The following PLXNA2 variants were observed in gnomAD, a reference collection of about 807,000 sequenced individuals.
PLXNA2 encodes the protein plexin-A2.
A neutral mutation model predicts 193.5 loss-of-function variants in PLXNA2; 91 were observed. The ratio of observed to expected loss-of-function variants is 0.47; its 90% CI spans 0.40 to 0.56. The LOEUF is 0.56. PLXNA2 is among the 20% of genes least tolerant of loss of function. The probability of loss-of-function intolerance (pLI) is 0.00; values close to 1 mark genes in which losing one functional copy is unlikely to be tolerated. For missense variants in PLXNA2, 1,995 were observed against 2,503.2 expected, an observed-to-expected ratio of 0.80 and a Z score of 4.33; for synonymous variants, 997 against 1,027.3, an observed-to-expected ratio of 0.97 and a Z score of 0.56.
intron 2 of PLXNA2, among the ~76,000 whole-genome samples, chr1:208,212,094 TC>T (rs1408777204): frequency 6.6e-6 from 1 of 152,046 alleles, no homozygotes; most frequent in East Asian, 1.9e-4. Flanking sequence ...TGTGAAGGCA[TC>T]CCAGAGGAGG....
intron 1 of PLXNA2, among the ~76,000 whole-genome samples, chr1:208,228,881 T>C (rs1671596927): frequency 6.6e-6 from 1 of 152,132 alleles, no homozygotes; most frequent in East Asian, 1.9e-4. Context: ...CAATCTCCTT[T>C]CTCTCCTCCA....
intron 29 of PLXNA2, chr1:208,030,375 C>G (rs1042893885): frequency 2.0e-6 from 2 of 985,598 alleles, no homozygotes; most frequent in Non-Finnish European, 2.4e-6. Context: ...CCTGGACTTT[C>G]TCTTGATTTC....
rs1249862 is a variant in PLXNA2 at position 208,236,698 on chromosome 1, A to C, written c.-81+6945T>G. Among the ~76,000 whole-genome samples the C allele has an allele frequency of 0.032, 4,928 of 152,300 alleles. 280 individuals carry two copies. The highest frequency in any genetic ancestry group is 0.11 in the African/African-American group (4,597 of 41,548). On this transcript the variant is annotated intron_variant, in intron 1 of 31. Transcript: ENST00000367033. The surrounding 1 kb of genome is among the most constrained non-coding windows in gnomAD (Gnocchi z 4.4). ...AGAAGCACTGGGGTTACAGCTCCTC[A>C]TCCAAAGCCCTGTTCCACCACCAGA...
chr1:208,233,959 G>A (rs998750637), intron 1 of PLXNA2, among the ~76,000 whole-genome samples: 1 of 152,158 alleles, frequency 6.6e-6, no homozygotes. Flanking sequence ...GCTAAGGGCC[G>A]GCAGATGGGA....
intron 3 of PLXNA2, among the ~76,000 whole-genome samples, chr1:208,171,479 G>A (rs1669493065): frequency 6.6e-6 from 1 of 152,128 alleles, no homozygotes; most frequent in Non-Finnish European, 1.5e-5. Flanking sequence ...AGGAGTTTAA[G>A]AAACTTGCCT....
chr1:208,132,312 C>A (rs2102468266), intron 4 of PLXNA2, among the ~76,000 whole-genome samples: 1 of 152,224 alleles, frequency 6.6e-6, no homozygotes, highest in East Asian at 1.9e-4. Flanking sequence ...TAACTGGGAG[C>A]CGGGTGTGGG....
At chr1:208,156,154 T>A (rs1668935629) in intron 3 of PLXNA2, among the ~76,000 whole-genome samples, 3 of 152,098 alleles carry the variant, frequency 2.0e-5, no homozygotes, top group Non-Finnish European at 2.9e-5. Flanking sequence ...TATAAACAGA[T>A]CAAAGGGAGA....
In PLXNA2 at chr1:208,079,133, C is replaced by A. The variant is rs191657218; in HGVS notation, c.2586+127G>T. On this transcript the variant is annotated intron_variant, in intron 12 of 31. Transcript: ENST00000367033. ...AGACACACGCGAGAGGTTTCCTACA[C>A]CCCCCCACATTAAACTCACTGTACG... 349 of 756,376 alleles carry A rather than the reference C, an allele frequency of 4.6e-4. 1 individual carries two copies. The African/African-American group carries it at 5.5e-3, about 12-fold the overall frequency. 46.9% of individuals were successfully genotyped at this position (756,376 alleles called of 1,614,324 possible).
At chr1:208,058,248 G>A (rs1571870585) in intron 13 of PLXNA2, among the ~76,000 whole-genome samples, 1 of 152,220 alleles carries the variant, frequency 6.6e-6, no homozygotes, top group Non-Finnish European at 1.5e-5. Flanking sequence ...GGGCTGAGCT[G>A]CAGCCTCAAC....
In PLXNA2 at chr1:208,044,523, A is replaced by G; in HGVS notation, c.3859T>C (p.Leu1287=). The G allele has an allele frequency of 2.5e-6, 4 of 1,613,774 alleles. No homozygotes were observed. Among genetic ancestry groups the G allele is most frequent in the South Asian group, 1.1e-5 (1 of 91,058 alleles). The stretch of plus-strand genomic sequence containing the variant: ...TTCCACTAACCTTCCTTGCACTCCA[A>G]GGCCACACGGGACTCCAGATTGTCC... The part of the protein sequence containing the change: ...QMDNLESRVA[L]ECKEAFAELQ... The change falls in exon 20 of 32, where the codon TTG becomes CTG. Residue 1287 remains leucine (L), a synonymous_variant. Transcript: ENST00000367033. This position sits in a 1 kb window ranked among gnomAD's most constrained non-coding sequence, Gnocchi z 4.9.
chr1:208,205,753 C>T (rs1670698206), intron 3 of PLXNA2, among the ~76,000 whole-genome samples: 1 of 152,154 alleles, frequency 6.6e-6, no homozygotes, highest in South Asian at 2.1e-4. Context: ...GGTCAGCTCT[C>T]ACCATCACGG....
chr1:208,120,711 G>T (rs1381473760), intron 4 of PLXNA2, among the ~76,000 whole-genome samples: 1 of 152,186 alleles, frequency 6.6e-6, no homozygotes, highest in African/African-American at 2.4e-5. Flanking sequence ...AGGGAAGTAG[G>T]GAGTTGAAAT....
At chr1:208,239,575 C>T (rs1387458328) in intron 1 of PLXNA2, among the ~76,000 whole-genome samples, 1 of 152,186 alleles carries the variant, frequency 6.6e-6, no homozygotes, top group Non-Finnish European at 1.5e-5. Context: ...AGGCCTTGGA[C>T]CACATGGACT....
chr1:208,100,403 G>A (rs1345692353), intron 5 of PLXNA2, among the ~76,000 whole-genome samples: 1 of 152,120 alleles, frequency 6.6e-6, no homozygotes, highest in Non-Finnish European at 1.5e-5. Context: ...ATTTCACAGG[G>A]TTGGTGTAAG....
rs372119184 is a variant in PLXNA2, at chr1:208,083,832, C to T, written c.2298+548G>A. On this transcript the variant is annotated intron_variant, in intron 10 of 31. Coordinates refer to ENST00000367033, the MANE Select transcript of PLXNA2 (RefSeq NM_025179.4). The stretch of plus-strand genomic sequence containing the variant: ...CCTCCTACCCCTCCCCTCCCACCTC[C>T]CCTCCTCCCATCTCACTTCCTGTCC... Among the ~76,000 whole-genome samples, 54 of 152,220 alleles carry T rather than the reference C, an allele frequency of 3.5e-4. 1 individual carries two copies. The highest frequency in any genetic ancestry group is 1.2e-3 in the African/African-American group (49 of 41,538).
In PLXNA2 at chr1:208,150,438, T is replaced by C. The variant is rs147216759; in HGVS notation, c.1372-7975A>G. On this transcript the variant is annotated intron_variant, in intron 3 of 31. Transcript: ENST00000367033. ...CCATGGAGATCTTTCTCCTGGAATG[T>C]AGGGAGGAGTCCCCAGAGGACTCAC... 2.6e-5 allele frequency among the ~76,000 whole-genome samples: 4 copies of C among 152,218 alleles called. No individual in the cohort carries two copies. In the East Asian group the frequency reaches 7.7e-4, roughly 29 times the overall value.
Position 208,060,787 on chromosome 1 carries a change from A to G in PLXNA2, c.2637T>C (p.His879=). ...PPEGGTRVTI[H]GVNLGLDFSE... is the part of the protein sequence containing the mutation. ...AGAAGTCCAGACCCAGGTTCACGCC[A>G]TGGATGGTCACTCGCGTCCCTCCTT... The change falls in exon 13 of 32, where the codon CAT becomes CAC. Residue 879 remains histidine (H), a synonymous_variant. Coordinates refer to ENST00000367033, the MANE Select transcript of PLXNA2 (RefSeq NM_025179.4). 2 of 1,614,136 alleles carry G rather than the reference A, an allele frequency of 1.2e-6. No individual in the cohort carries two copies. The highest frequency in any genetic ancestry group is 8.5e-7 in the Non-Finnish European group (1 of 1,180,008).
At chr1:208,198,256 G>A (rs1263540843) in intron 3 of PLXNA2, among the ~76,000 whole-genome samples, 1 of 152,164 alleles carries the variant, frequency 6.6e-6, no homozygotes, top group African/African-American at 2.4e-5. Context: ...AGATCAAAAT[G>A]ACTCCATTTC....
chr1:208,051,161 C>A (rs1665247266), intron 16 of PLXNA2, 59 bp from the exon 17 acceptor site: 2 of 1,595,998 alleles, frequency 1.3e-6, no homozygotes, highest in Non-Finnish European at 1.7e-6. Context: ...GCATGGTGAA[C>A]CTCCACCTTA....
Sources: gnomAD v4.1 joint callset for allele counts (sites outside exome capture counted in the v4.1 genomes callset) on GRCh38, gnomAD v4.1.1 for gene constraint, Gnocchi (gnomAD v3.1) non-coding constraint, MANE v1.5 for transcripts, NCBI Gene and HGNC (gene_info 2026-07-23, HGNC 2026-07-21) for gene names.